The following SNX4 variants were observed in gnomAD, a reference collection of about 807,000 sequenced individuals.
The protein encoded by SNX4 is sorting nexin 4, also known as sorting nexin-4.
SNX4 carries 49 observed loss-of-function variants against 70.8 expected under a neutral mutation model. The ratio of observed to expected loss-of-function variants is 0.69; its 90% CI spans 0.55 to 0.88. The LOEUF (loss-of-function observed/expected upper bound fraction) is 0.88. SNX4 is among the 40% of genes least tolerant of loss of function. SNX4 has a pLI of 0.00. For synonymous variants in SNX4, 206 were observed against 183.8 expected, an observed-to-expected ratio of 1.12 and a Z score of -0.98; for missense variants, 528 against 544.8, an observed-to-expected ratio of 0.97 and a Z score of 0.31.
In SNX4 at chr3:125,495,277, T is replaced by TATATATACATACAC; in HGVS notation, c.597+2063_597+2064insGTGTATGTATATAT. Among the ~76,000 whole-genome samples, 68 of 99,610 alleles carry TATATATACATACAC rather than the reference T, an allele frequency of 6.8e-4. 2 individuals are homozygous for TATATATACATACAC. Among genetic ancestry groups the TATATATACATACAC allele is most frequent in the African/African-American group, 1.8e-3 (50 of 27,990 alleles). 65.3% of individuals were successfully genotyped at this position (99,610 alleles called of 152,430 possible). ...ATATATATATATATATATATATATA[T>TATATATACATACAC]ACACATACACACACACACACGTATG... On this transcript the variant is annotated intron_variant, in intron 5 of 13. Transcript: ENST00000251775.
At chr3:125,495,558 C>T (rs3772213) in intron 5 of SNX4, among the ~76,000 whole-genome samples, 18,906 of 148,204 alleles carry the variant, frequency 0.13, 1,465 homozygotes, top group African/African-American at 0.23. Flanking sequence ...TTCAAAAGTA[C>T]AATACATAAG....
chr3:125,465,806 C>T (rs1933996931), intron 9 of SNX4, among the ~76,000 whole-genome samples: 2 of 152,076 alleles, frequency 1.3e-5, no homozygotes, highest in African/African-American at 2.4e-5. Context: ...CCACACCCGG[C>T]TAATTTTTGT....
Position 125,447,759 on chromosome 3 carries a change from G to T in SNX4, c.*20C>A. 6.4e-7 allele frequency: 1 copy of T among 1,574,334 alleles called. No homozygotes were observed. Among genetic ancestry groups the T allele is most frequent in the South Asian group, 1.2e-5 (1 of 83,978 alleles). Reference sequence around the variant, plus strand: ...TCTGTTTTGGGGCACTTTGATTGAAGAGAAATTCAATTCACAGGATTACAT... The same window carrying T: ...TCTGTTTTGGGGCACTTTGATTGAATAGAAATTCAATTCACAGGATTACAT... On this transcript the variant is annotated 3_prime_UTR_variant, in exon 14 of 14. Coordinates refer to ENST00000251775, the MANE Select transcript of SNX4 (RefSeq NM_003794.4).
intron 5 of SNX4, among the ~76,000 whole-genome samples, chr3:125,495,277 T>TATATAC: frequency 6.0e-5 from 6 of 99,602 alleles, no homozygotes; most frequent in East Asian, 3.8e-4. Flanking sequence ...TATATATATA[T>TATATAC]ACACATACAC....
intron 7 of SNX4, among the ~76,000 whole-genome samples, chr3:125,479,556 A>AAATAAT (rs377153136): frequency 0.012 from 1,860 of 150,522 alleles, 37 homozygotes; most frequent in African/African-American, 0.04. Context: ...CTCCATCTCA[A>AAATAAT]AATAATAATA....
In SNX4 at chr3:125,478,047, C is replaced by T. The variant is rs192365688; in HGVS notation, c.727-1291G>A. 6.8e-3 allele frequency among the ~76,000 whole-genome samples: 1,006 copies of T among 147,710 alleles called. 29 individuals are homozygous for T. The highest frequency in any genetic ancestry group is 0.064 in the East Asian group (322 of 5,066). ...CTCTAGGATGTCATTTCCTCCTCCT[C>T]CTTCTTCTTCTTCTTATTATTATTA... On this transcript the variant is annotated intron_variant, in intron 7 of 13. Transcript: ENST00000251775.
chr3:125,478,797 T>C (rs578128998), intron 7 of SNX4, among the ~76,000 whole-genome samples: 3 of 151,864 alleles, frequency 2.0e-5, no homozygotes, highest in Non-Finnish European at 4.4e-5. Flanking sequence ...ACTCTCTGAA[T>C]GTTTGTCCCC....
intron 12 of SNX4, among the ~76,000 whole-genome samples, chr3:125,452,247 A>G (rs1281209904): frequency 1.3e-5 from 2 of 151,468 alleles, no homozygotes; most frequent in African/African-American, 4.9e-5. Context: ...GGCACACGCC[A>G]CTGCACTCGG....
At chr3:125,468,799 T>C (rs1411208191) in intron 9 of SNX4, among the ~76,000 whole-genome samples, 1 of 149,674 alleles carries the variant, frequency 6.7e-6, no homozygotes, top group Non-Finnish European at 1.5e-5. Flanking sequence ...CAGTGAGCTG[T>C]GATTGTACCA....
chr3:125,455,350 C>A (rs1275928832), intron 11 of SNX4, among the ~76,000 whole-genome samples: 1 of 152,148 alleles, frequency 6.6e-6, no homozygotes, highest in South Asian at 2.1e-4. Context: ...GATAAATTCA[C>A]TAGGCAACTA....
chr3:125,510,234 A>ATT (rs879755383), intron 1 of SNX4, among the ~76,000 whole-genome samples: 13 of 143,824 alleles, frequency 9.0e-5, no homozygotes, highest in Admixed American at 3.5e-4. Context: ...AGATGAATGG[A>ATT]TTTTTTTTTT....
chr3:125,504,508 A>G (rs1413593168), intron 2 of SNX4, 115 bp downstream of exon 2: 2 of 1,024,244 alleles, frequency 2.0e-6, no homozygotes, highest in Non-Finnish European at 2.8e-6. Flanking sequence ...AAACAAAGTC[A>G]ATCCCGAAAA....
At chr3:125,504,852 A>T (rs1935012882) in intron 1 of SNX4, 108 bp from the exon 2 acceptor site, 1 of 1,275,526 alleles carries the variant, frequency 7.8e-7, no homozygotes, top group South Asian at 1.8e-5. Context: ...ATATATTTCA[A>T]AATAGTTACT....
At chr3:125,469,932 C>T (rs1196948211) in intron 8 of SNX4, among the ~76,000 whole-genome samples, 1 of 152,062 alleles carries the variant, frequency 6.6e-6, no homozygotes, top group African/African-American at 2.4e-5. Flanking sequence ...GATGAACATA[C>T]CTGATTACAT....
At chr3:125,497,773 AT>A in intron 4 of SNX4, 60 bp downstream of exon 4, 4 of 1,217,114 alleles carry the variant, frequency 3.3e-6, no homozygotes, top group South Asian at 3.3e-5. Flanking sequence ...GTATTCTACA[AT>A]TTTTTTAAGA....
chr3:125,480,675 C>T (rs1203038629), intron 6 of SNX4, among the ~76,000 whole-genome samples: 1 of 152,172 alleles, frequency 6.6e-6, no homozygotes, highest in Admixed American at 6.6e-5. Context: ...TAACCTCAAT[C>T]TTAATTCTGC....
intron 1 of SNX4, among the ~76,000 whole-genome samples, chr3:125,509,270 C>T (rs1053499151): frequency 6.8e-5 from 10 of 146,022 alleles, no homozygotes; most frequent in South Asian, 2.1e-4. Context: ...GTGGAGGTTG[C>T]GATGAGCCAA....
intron 11 of SNX4, among the ~76,000 whole-genome samples, chr3:125,455,723 A>AT (rs1188596512): frequency 1.3e-5 from 2 of 152,190 alleles, no homozygotes; most frequent in African/African-American, 2.4e-5. Context: ...TTTTAAAACT[A>AT]TAGTGCTTGG....
At chr3:125,505,339 T>G (rs534112233) in intron 1 of SNX4, among the ~76,000 whole-genome samples, 1 of 152,246 alleles carries the variant, frequency 6.6e-6, no homozygotes, top group Non-Finnish European at 1.5e-5. Context: ...TCTGGGAGGA[T>G]AGTGGAGTAG....
Sources: gnomAD v4.1 joint callset for allele counts (sites outside exome capture counted in the v4.1 genomes callset) on GRCh38, gnomAD v4.1.1 for gene constraint, MANE v1.5 for transcripts, NCBI Gene and HGNC (gene_info 2026-07-23, HGNC 2026-07-21) for gene names.